Variants in PTGR3 observed in about 807,000 individuals in gnomAD.
The protein encoded by PTGR3 is zinc binding alcohol dehydrogenase domain containing 2.
the PTGR3 span, among the ~76,000 whole-genome samples, chr18:75,206,532 T>G: frequency 6.6e-6 from 1 of 152,244 alleles, no homozygotes; most frequent in Non-Finnish European, 1.5e-5. Context: ...ATTAAGCCTC[T>G]ATTCTTAAAA....
chr18:75,204,299 A>G, the PTGR3 span, among the ~76,000 whole-genome samples: 1 of 152,182 alleles, frequency 6.6e-6, no homozygotes, highest in African/African-American at 2.4e-5. Context: ...CTTCCTGGGA[A>G]GAGGTGGAGA....
the PTGR3 span, chr18:75,208,759 C>CGCGG: frequency 5.8e-6 from 7 of 1,197,860 alleles, no homozygotes; most frequent in Non-Finnish European, 7.4e-6. Context: ...AGTGTGGGCA[C>CGCGG]GCGGGCGGGC....
At chr18:75,200,106 GA>G in the PTGR3 span, 1 of 152,276 alleles carries the variant, frequency 6.6e-6, no homozygotes, top group African/African-American at 2.4e-5. Flanking sequence ...TAGATACACC[GA>G]AACCTAAGAC....
chr18:75,207,553 A>C, the PTGR3 span, among the ~76,000 whole-genome samples: 3 of 152,066 alleles, frequency 2.0e-5, no homozygotes, highest in Non-Finnish European at 4.4e-5. Context: ...TCCACAGCCA[A>C]TGCAAACATT....
the PTGR3 span, chr18:75,208,931 G>A: frequency 6.3e-7 from 1 of 1,585,908 alleles, no homozygotes; most frequent in Non-Finnish European, 8.6e-7. Context: ...GCGGAAGTTG[G>A]GGCTCAGCCG....
the PTGR3 span, chr18:75,208,972 A>G: frequency 6.3e-7 from 1 of 1,594,722 alleles, no homozygotes; most frequent in Non-Finnish European, 8.5e-7. Context: ...TGGCTTGGGG[A>G]ATGGCGGAGC....
the PTGR3 span, among the ~76,000 whole-genome samples, chr18:75,207,295 C>G: frequency 6.6e-6 from 1 of 152,176 alleles, no homozygotes; most frequent in African/African-American, 2.4e-5. Flanking sequence ...CTAGTGTTTG[C>G]AATCAAGAGT....
chr18:75,201,953 A>C, the PTGR3 span: 4 of 1,614,102 alleles, frequency 2.5e-6, no homozygotes, highest in African/African-American at 5.3e-5. Flanking sequence ...TTCCAATTAC[A>C]TGGCACTTTG....
At chr18:75,204,787 G>T in the PTGR3 span, among the ~76,000 whole-genome samples, 1 of 152,072 alleles carries the variant, frequency 6.6e-6, no homozygotes, top group Non-Finnish European at 1.5e-5. Flanking sequence ...CGGCAGGCGC[G>T]CCCAGTCCGC....
chr18:75,208,892 G>A, the PTGR3 span: 33 of 1,560,508 alleles, frequency 2.1e-5, no homozygotes, highest in Non-Finnish European at 2.6e-5. Context: ...GAGCGGCACC[G>A]GGCAGTCCCG....
the PTGR3 span, chr18:75,202,006 C>A: frequency 6.2e-7 from 1 of 1,614,224 alleles, no homozygotes; most frequent in Non-Finnish European, 8.5e-7. Flanking sequence ...GTTCCCCCAG[C>A]TGCTGCTGTC....
chr18:75,203,074 C>T, the PTGR3 span, among the ~76,000 whole-genome samples: 1 of 152,282 alleles, frequency 6.6e-6, no homozygotes, highest in Admixed American at 6.5e-5. Flanking sequence ...ATTTCACAGT[C>T]CTTTTCAAAT....
the PTGR3 span, chr18:75,208,393 A>G: frequency 1.0e-6 from 1 of 987,982 alleles, no homozygotes; most frequent in East Asian, 1.1e-4. Flanking sequence ...GCCGGGTCCC[A>G]GCCTCCTTCC....
chr18:75,208,049 C>T, the PTGR3 span, among the ~76,000 whole-genome samples: 27 of 152,352 alleles, frequency 1.8e-4, no homozygotes, highest in Admixed American at 1.2e-3. Flanking sequence ...TCCGTTTCCT[C>T]CCTGTTGCTT....
At chr18:75,208,820 G>C in the PTGR3 span, 1 of 1,443,102 alleles carries the variant, frequency 6.9e-7, no homozygotes, top group Non-Finnish European at 9.2e-7. Flanking sequence ...GCGAGAACGG[G>C]GGCGTGGGGT....
the PTGR3 span, chr18:75,208,305 A>G: frequency 1.0e-6 from 1 of 982,592 alleles, no homozygotes; most frequent in Non-Finnish European, 1.2e-6. Context: ...AACACCGGCG[A>G]GGTGCACACC....
chr18:75,198,598 T>C, the PTGR3 span: 1 of 152,104 alleles, frequency 6.6e-6, no homozygotes, highest in African/African-American at 2.4e-5. Context: ...ACTGCTGGTA[T>C]TTTCTGCCTG....
the PTGR3 span, chr18:75,201,374 G>T: frequency 1.3e-6 from 2 of 1,492,120 alleles, no homozygotes; most frequent in Non-Finnish European, 1.8e-6. Flanking sequence ...GACATAAAGT[G>T]CCCATTTTCT....
the PTGR3 span, among the ~76,000 whole-genome samples, chr18:75,207,140 C>T: frequency 1.3e-5 from 2 of 152,250 alleles, no homozygotes; most frequent in Non-Finnish European, 2.9e-5. Flanking sequence ...ACCTCTCCAC[C>T]AAAGGCAGGT....
Sources: allele counts gnomAD v4.1 joint callset (sites outside exome capture counted in the v4.1 genomes callset), GRCh38; gene constraint gnomAD v4.1.1; transcripts MANE v1.5; gene names NCBI Gene and HGNC (gene_info 2026-07-23, HGNC 2026-07-21).